Variants in HOOK3 observed in about 807,000 individuals in gnomAD.
The protein encoded by HOOK3 is protein Hook homolog 3.
A neutral mutation model predicts 116.3 loss-of-function variants in HOOK3; 24 were observed. The ratio of observed to expected loss-of-function variants is 0.21; its 90% confidence interval spans 0.15 to 0.29. HOOK3 has a LOEUF of 0.29. Ranked by LOEUF, HOOK3 falls within the 10% of genes least tolerant of loss-of-function variation. The probability of loss-of-function intolerance (pLI) is 1.00; values close to 1 mark genes in which losing one functional copy is unlikely to be tolerated. For missense variants in HOOK3, 632 were observed against 830.2 expected, an observed-to-expected ratio of 0.76 and a Z score of 2.93; for synonymous variants, 275 against 283.0, an observed-to-expected ratio of 0.97 and a Z score of 0.28.
chr8:43,020,683 C>T lies in HOOK3; in HGVS notation c.*2185C>T. The T allele has an allele frequency of 5.7e-6, 1 of 175,950 alleles. No individual in the cohort carries two copies. The allele number at this position is 175,950 out of a possible 1,614,324, so 10.9% of individuals were successfully genotyped here. A position where few individuals can be genotyped will look rare whatever the true frequency, so the allele number is the denominator to read the frequency against. On this transcript the variant is annotated 3_prime_UTR_variant, in exon 22 of 22. Coordinates refer to ENST00000307602, the MANE Select transcript of HOOK3 (RefSeq NM_032410.4). ...GAGCTGAGATCGCACCACTGCATTCCAGCCTGGGCGACAGAGTGAGACTCT... is the reference window on the plus strand; with the variant it reads ...GAGCTGAGATCGCACCACTGCATTCTAGCCTGGGCGACAGAGTGAGACTCT...
rs753128398 is a variant in HOOK3, at chr8:42,964,358, G to A, written c.663G>A (p.Gln221=). Residue 221 remains glutamine (Q), a synonymous_variant, in exon 9 of 22, where the codon CAG becomes CAA. Coordinates refer to ENST00000307602, the MANE Select transcript of HOOK3 (RefSeq NM_032410.4). ...EEKSSLLAEN[Q]VLMERLNQSD... is the part of the protein sequence containing the mutation. The stretch of plus-strand genomic sequence containing the variant: ...AAAGTAGTTTGTTGGCAGAGAATCA[G>A]GTATTAATGGAAAGACTCAATCAAT... 1 of 1,614,116 alleles carries A rather than the reference G, an allele frequency of 6.2e-7. No homozygotes were observed. Among genetic ancestry groups the A allele is most frequent in the South Asian group, 1.1e-5 (1 of 91,084 alleles).
At chr8:42,990,464 C>A (rs1809139145) in intron 15 of HOOK3, among the ~76,000 whole-genome samples, 1 of 147,302 alleles carries the variant, frequency 6.8e-6, no homozygotes, top group Admixed American at 7.0e-5. Flanking sequence ...CCTCATCTTC[C>A]AAGTAGCTGA....
chr8:42,950,977 G>A (rs900850570), intron 6 of HOOK3, among the ~76,000 whole-genome samples: 10 of 152,160 alleles, frequency 6.6e-5, no homozygotes, highest in Admixed American at 2.0e-4. Context: ...GAGCCATCAC[G>A]CCCGGCCGAC....
chr8:42,948,218 C>T (rs1808271690), intron 5 of HOOK3, among the ~76,000 whole-genome samples: 2 of 152,170 alleles, frequency 1.3e-5, no homozygotes, highest in Non-Finnish European at 2.9e-5. Flanking sequence ...GTTTCTTCCA[C>T]ATTTAAACTT....
At position 42,906,261 on chromosome 8, in the gene HOOK3, A is replaced by G. The variant is rs777837453; in HGVS notation, c.143+3A>G. The G allele has an allele frequency of 5.8e-6, 9 of 1,564,192 alleles. No individual in the cohort carries two copies. In the Admixed American group the frequency reaches 1.5e-4, roughly 27 times the overall value. On this transcript the variant is annotated splice_donor_region_variant and intron_variant, in intron 2 of 21. Coordinates refer to ENST00000307602, the MANE Select transcript of HOOK3 (RefSeq NM_032410.4). ...ATGGCCCAGGTTCTTCAAAAGATGT[A>G]AGAATAAATTGCTTATCTTTATGTG...
Position 43,027,693 on chromosome 8 carries a change from T to G in HOOK3, c.*9195T>G, listed in dbSNP as rs1305609597. On this transcript the variant is annotated 3_prime_UTR_variant, in exon 22 of 22. Transcript: ENST00000307602. ...TGAATGATTAAGTCTCTAAGTATCT[T>G]AACTTCCATTGTCTTCTTGTTAACC... is the stretch of plus-strand genomic sequence containing the variant. 4.8e-6 allele frequency: 1 copy of G among 206,282 alleles called. No homozygotes were observed. Among genetic ancestry groups the G allele is most frequent in the Non-Finnish European group, 9.9e-6 (1 of 100,686 alleles). 12.8% of individuals were successfully genotyped at this position (206,282 alleles called of 1,614,324 possible).
chr8:43,007,875 C>A lies in HOOK3; in HGVS notation c.1684C>A (p.Leu562Ile). The change falls in exon 18 of 22, where the codon CTA becomes ATA. Residue 562 changes from leucine (L) to isoleucine (I), a missense_variant. Physicochemically the swap from Leu to Ile is conservative, Grantham distance 5 (BLOSUM62 2). Transcript: ENST00000307602. ...GAAGCTGCATGAGGCCAATAATGAACTACAGAAGAAGAGAGCCATTATTGA... is the reference window on the plus strand; with the variant it reads ...GAAGCTGCATGAGGCCAATAATGAAATACAGAAGAAGAGAGCCATTATTGA... ...LEKLHEANNE[L>I]QKKRAIIEDL... 1 of 1,600,926 alleles carries A rather than the reference C, an allele frequency of 6.2e-7. No individual in the cohort carries two copies.
Position 43,027,768 on chromosome 8 carries a change from T to G in HOOK3, c.*9270T>G, listed in dbSNP as rs1809960210. 4.8e-6 allele frequency: 1 copy of G among 207,252 alleles called. No homozygotes were observed. Among genetic ancestry groups the G allele is most frequent in the East Asian group, 7.6e-5 (1 of 13,112 alleles). 12.8% of individuals were successfully genotyped at this position (207,252 alleles called of 1,614,324 possible). On this transcript the variant is annotated 3_prime_UTR_variant, in exon 22 of 22. Coordinates refer to ENST00000307602, the MANE Select transcript of HOOK3 (RefSeq NM_032410.4). ...GCCACATGTGACAGTTAAAATTAAG[T>G]AAAATTAAAACTATAGTTTCTCAGT...
chr8:42,962,473 C>T (rs1304658764), intron 8 of HOOK3, among the ~76,000 whole-genome samples: 4 of 147,694 alleles, frequency 2.7e-5, no homozygotes, highest in Admixed American at 1.4e-4. Context: ...GTGGTGTGAT[C>T]GTGGCTCACT....
At chr8:42,921,781 C>G (rs1807662066) in intron 2 of HOOK3, among the ~76,000 whole-genome samples, 1 of 152,126 alleles carries the variant, frequency 6.6e-6, no homozygotes, top group Admixed American at 6.5e-5. Flanking sequence ...TTGGAACATA[C>G]CTGCAGCCAT....
intron 4 of HOOK3, among the ~76,000 whole-genome samples, chr8:42,940,125 G>C (rs1586601076): frequency 6.6e-6 from 1 of 152,384 alleles, no homozygotes; most frequent in Non-Finnish European, 1.5e-5. Flanking sequence ...GGGAGGCCAA[G>C]GCAGGCCGCC....
chr8:43,027,358 T>C lies in HOOK3; in HGVS notation c.*8860T>C. 1 of 373,836 alleles carries C rather than the reference T, an allele frequency of 2.7e-6. No homozygotes were observed. Among genetic ancestry groups the C allele is most frequent in the South Asian group, 2.3e-5 (1 of 43,996 alleles). 23.2% of individuals were successfully genotyped at this position (373,836 alleles called of 1,614,324 possible). On this transcript the variant is annotated 3_prime_UTR_variant, in exon 22 of 22. Transcript: ENST00000307602. ...ACTTGTTTATTATGTTACATAAATA[T>C]GGACACAATTACTGCCAAAGAATAG...
chr8:43,000,199 G>C (rs1054661217), intron 16 of HOOK3: 133 of 949,872 alleles, frequency 1.4e-4, no homozygotes, highest in Non-Finnish European at 1.9e-4. Context: ...CTAAATCGTT[G>C]CTTCTCTTGG....
At chr8:43,005,388 T>A (rs1809464962) in intron 17 of HOOK3, among the ~76,000 whole-genome samples, 1 of 151,644 alleles carries the variant, frequency 6.6e-6, no homozygotes, top group Admixed American at 6.6e-5. Context: ...GCCTGGCTCA[T>A]TTTTTGTGTG....
At chr8:42,918,651 A>G (rs545240197) in intron 2 of HOOK3, among the ~76,000 whole-genome samples, 1 of 152,288 alleles carries the variant, frequency 6.6e-6, no homozygotes, top group East Asian at 1.9e-4. Flanking sequence ...GCTGCCTTCA[A>G]GCATCTGTTT....
At chr8:42,940,619 C>CT (rs1808095433) in intron 4 of HOOK3, among the ~76,000 whole-genome samples, 1 of 152,224 alleles carries the variant, frequency 6.6e-6, no homozygotes, top group Non-Finnish European at 1.5e-5. Context: ...GAGAGATCTG[C>CT]TGTTAGTCTG....
At chr8:42,908,401 G>A (rs1365945490) in intron 2 of HOOK3, among the ~76,000 whole-genome samples, 3 of 152,180 alleles carry the variant, frequency 2.0e-5, no homozygotes, top group South Asian at 4.1e-4. Context: ...CTCACTACCC[G>A]ATTTTAAACT....
intron 17 of HOOK3, 151 bp from the exon 18 acceptor site, chr8:43,007,696 A>G (rs975510480): frequency 7.4e-6 from 3 of 402,988 alleles, no homozygotes; most frequent in Non-Finnish European, 1.3e-5. Flanking sequence ...TTTTTTAAAT[A>G]TATTAAATTT....
rs541769552 is a variant in HOOK3, at chr8:43,025,656, A to G, written c.*7158A>G. 4.2e-5 allele frequency: 9 copies of G among 214,548 alleles called. No homozygotes were observed. In the South Asian group the frequency reaches 9.3e-4, roughly 22 times the overall value. 13.3% of individuals were successfully genotyped at this position (214,548 alleles called of 1,614,324 possible). ...ATTTTCATTTTGAGACTGTTTGGCT[A>G]TTACTAAAGCTGAGAAAGTGATTTT... On this transcript the variant is annotated 3_prime_UTR_variant, in exon 22 of 22. Transcript: ENST00000307602.
Sources: gnomAD v4.1 joint callset for allele counts (sites outside exome capture counted in the v4.1 genomes callset) on GRCh38, gnomAD v4.1.1 for gene constraint, MANE v1.5 for transcripts, NCBI Gene and HGNC (gene_info 2026-07-23, HGNC 2026-07-21) for gene names.